ANKRD28: variants seen among roughly 807,000 people sequenced by gnomAD.
The protein encoded by ANKRD28 is ankyrin repeat domain 28.
Under a neutral mutation model 126.5 loss-of-function variants are expected in ANKRD28, and 44 were observed. That is an observed-to-expected ratio of 0.35 (90% confidence interval 0.27 to 0.45). The LOEUF is 0.45. ANKRD28 is among the 20% of genes least tolerant of loss of function. ANKRD28 has a pLI of 1.00. For missense variants in ANKRD28, 1,110 were observed against 1,316.6 expected, an observed-to-expected ratio of 0.84 and a Z score of 2.43; for synonymous variants, 442 against 468.5, an observed-to-expected ratio of 0.94 and a Z score of 0.73.
chr3:15,741,846 C>T (rs2057043873), intron 4 of ANKRD28, among the ~76,000 whole-genome samples: 1 of 151,982 alleles, frequency 6.6e-6, no homozygotes, highest in Non-Finnish European at 1.5e-5. Flanking sequence ...GCCTGATTCT[C>T]CTGCCTCAGC....
chr3:15,723,201 G>A lies in ANKRD28; in HGVS notation c.783+1181C>T, dbSNP rs1030307518. ...GTACAGGAATTGAGATTTTTGCAAC[G>A]TCTTCTTGTGATCCTCACACTTTCA... On this transcript the variant is annotated intron_variant, in intron 7 of 27. Transcript: ENST00000683139. 4.6e-5 allele frequency among the ~76,000 whole-genome samples: 7 copies of A among 152,162 alleles called. No homozygotes were observed. The East Asian group carries it at 7.7e-4, about 17-fold the overall frequency.
intron 1 of ANKRD28, among the ~76,000 whole-genome samples, chr3:15,850,204 A>AAAAATATATATATATATATAT (rs1486394619): frequency 9.1e-5 from 5 of 54,828 alleles, no homozygotes; most frequent in Non-Finnish European, 1.9e-4. Flanking sequence ...AAAAAAAAAA[A>AAAAATATATATATATATATAT]ATATATATAT....
chr3:15,807,088 A>G (rs746623728), intron 1 of ANKRD28, among the ~76,000 whole-genome samples: 9 of 152,182 alleles, frequency 5.9e-5, no homozygotes, highest in Non-Finnish European at 5.9e-5. Flanking sequence ...ACTCAGCAAG[A>G]ACCTTAGGAT....
chr3:15,748,462 C>A (rs1217641440), intron 4 of ANKRD28, among the ~76,000 whole-genome samples: 2 of 152,152 alleles, frequency 1.3e-5, no homozygotes, highest in East Asian at 3.8e-4. Flanking sequence ...CTTAGTTTCA[C>A]TGGGTACAAA....
chr3:15,810,814 A>T (rs947351391), intron 1 of ANKRD28, among the ~76,000 whole-genome samples: 12 of 152,084 alleles, frequency 7.9e-5, no homozygotes, highest in African/African-American at 2.9e-4. Context: ...TTACATGACA[A>T]AGTTCACATT....
chr3:15,808,133 C>T (rs534895484), intron 1 of ANKRD28, among the ~76,000 whole-genome samples: 2 of 152,300 alleles, frequency 1.3e-5, no homozygotes, highest in African/African-American at 2.4e-5. Context: ...CATCTGTCTC[C>T]GAAGCTTGGC....
At chr3:15,805,431 C>G (rs1004921641) in intron 1 of ANKRD28, among the ~76,000 whole-genome samples, 14 of 151,968 alleles carry the variant, frequency 9.2e-5, no homozygotes, top group Admixed American at 2.0e-4. Flanking sequence ...ATATCCTAGT[C>G]AATCTGATTA....
chr3:15,841,566 C>T (rs2061424866), intron 1 of ANKRD28, among the ~76,000 whole-genome samples: 1 of 151,984 alleles, frequency 6.6e-6, no homozygotes, highest in South Asian at 2.1e-4. Context: ...ATATAAGGAG[C>T]TCAAACAAAT....
intron 1 of ANKRD28, among the ~76,000 whole-genome samples, chr3:15,805,829 T>C (rs1239192418): frequency 1.3e-5 from 2 of 152,316 alleles, no homozygotes; most frequent in East Asian, 3.9e-4. Flanking sequence ...GCAATAATTA[T>C]GTGAGATGTC....
chr3:15,737,267 A>G (rs2075079519), intron 4 of ANKRD28, 34 bp from the exon 5 acceptor site: 2 of 1,566,406 alleles, frequency 1.3e-6, no homozygotes, highest in Non-Finnish European at 8.7e-7. Context: ...AAGACAAATG[A>G]GTTAAGAGTT....
At chr3:15,859,249 G>A (rs764077441) in intron 1 of ANKRD28, 280 of 1,364,338 alleles carry the variant, frequency 2.1e-4, no homozygotes, top group Non-Finnish European at 2.6e-4. Context: ...GCAGGTCCCC[G>A]GGGCAGGACC....
intron 6 of ANKRD28, chr3:15,731,848 CAAAAAA>C: frequency 2.2e-4 from 1 of 4,522 alleles, no homozygotes; most frequent in Non-Finnish European, 4.4e-4. Flanking sequence ...GAAACTGTCT[CAAAAAA>C]AAAAAAAAAA....
chr3:15,817,940 T>C lies in ANKRD28; in HGVS notation c.28-22634A>G, dbSNP rs1031704114. On this transcript the variant is annotated intron_variant, in intron 1 of 27. Coordinates refer to the ANKRD28 transcript ENST00000399451. This position sits in a 1 kb window ranked among gnomAD's most constrained non-coding sequence, Gnocchi z 4.5. ...AGTTTAGCAAAGTCATAGATTACCATTGCTGTTTCTACATACTACCAATGA... is the reference window on the plus strand; with the variant it reads ...AGTTTAGCAAAGTCATAGATTACCACTGCTGTTTCTACATACTACCAATGA... Among the ~76,000 whole-genome samples the C allele has an allele frequency of 2.0e-5, 3 of 152,174 alleles. No individual in the cohort carries two copies. The highest frequency in any genetic ancestry group is 7.2e-5 in the African/African-American group (3 of 41,432).
chr3:15,812,023 C>T lies in ANKRD28; in HGVS notation c.28-16717G>A, dbSNP rs749501926. Among the ~76,000 whole-genome samples the T allele has an allele frequency of 4.0e-5, 6 of 151,836 alleles. No homozygotes were observed. The highest frequency in any genetic ancestry group is 4.2e-4 in the South Asian group (2 of 4,818). On this transcript the variant is annotated intron_variant, in intron 1 of 27. Transcript: ENST00000399451. The surrounding 1 kb of genome is among the most constrained non-coding windows in gnomAD (Gnocchi z 4.1). ...GAAAAATTAGCCAGGCGTGGTGGTA[C>T]GCACCTGTAGTCCCAGCTACTCAGG...
rs780028391 is a variant in ANKRD28 at position 15,673,980 on chromosome 3, G to A, written c.2965+1918C>T. On this transcript the variant is annotated intron_variant, in intron 27 of 27. Transcript: ENST00000683139. ...TGCTTGAGGCCAGGAGTTCAAGACC[G>A]GCCTGGACAATATAGTGAGAGTCTG... 6.1e-4 allele frequency among the ~76,000 whole-genome samples: 92 copies of A among 151,540 alleles called. No homozygotes were observed. The Middle Eastern group carries it at 0.01, about 17-fold the overall frequency.
intron 2 of ANKRD28, among the ~76,000 whole-genome samples, chr3:15,780,894 A>G (rs2059506655): frequency 6.6e-6 from 1 of 152,170 alleles, no homozygotes; most frequent in South Asian, 2.1e-4. Context: ...CTGGATCCTT[A>G]TCTCATACCA....
At chr3:15,745,913 G>T (rs2057448087) in intron 4 of ANKRD28, among the ~76,000 whole-genome samples, 2 of 152,006 alleles carry the variant, frequency 1.3e-5, no homozygotes, top group African/African-American at 2.4e-5. Context: ...CCTTGTAGGG[G>T]TCTTTCACCT....
chr3:15,800,583 T>C (rs555896617), upstream of ANKRD28, among the ~76,000 whole-genome samples: 1 of 152,166 alleles, frequency 6.6e-6, no homozygotes, highest in East Asian at 1.9e-4. Flanking sequence ...TCCCATTCAG[T>C]TGCCAAGTCC....
At chr3:15,788,400 A>G (rs1019319356) in intron 2 of ANKRD28, among the ~76,000 whole-genome samples, 2 of 152,160 alleles carry the variant, frequency 1.3e-5, no homozygotes, top group African/African-American at 4.8e-5. Flanking sequence ...TCCAGTTACT[A>G]TTAAGTCGGA....
Sources: gnomAD v4.1 joint callset for allele counts (sites outside exome capture counted in the v4.1 genomes callset) on GRCh38, gnomAD v4.1.1 for gene constraint, Gnocchi (gnomAD v3.1) non-coding constraint, MANE v1.5 for transcripts, NCBI Gene and HGNC (gene_info 2026-07-23, HGNC 2026-07-21) for gene names.